The following SLC9A1 variants were observed in gnomAD, a reference collection of about 807,000 sequenced individuals.
The protein encoded by SLC9A1 is sodium/hydrogen exchanger 1.
A neutral mutation model predicts 67.9 loss-of-function variants in SLC9A1; 22 were observed. That is an observed-to-expected ratio of 0.32 (90% CI 0.23 to 0.46). SLC9A1 has a LOEUF of 0.46. SLC9A1 is among the 20% of genes least tolerant of loss of function. The probability of loss-of-function intolerance (pLI) is 1.00; values close to 1 mark genes in which losing one functional copy is unlikely to be tolerated. For synonymous variants in SLC9A1, 421 were observed against 471.8 expected, an observed-to-expected ratio of 0.89 and a Z score of 1.40; for missense variants, 686 against 1,094.8, an observed-to-expected ratio of 0.63 and a Z score of 5.27.
chr1:27,102,808 C>A, intron 6 of SLC9A1, 65 bp from the exon 7 acceptor site: 3 of 1,380,730 alleles, frequency 2.2e-6, no homozygotes, highest in Non-Finnish European at 3.1e-6. Context: ...AGACCTCTGA[C>A]TAGCCCCACT....
chr1:27,104,367 C>T (rs1413590508), intron 5 of SLC9A1, among the ~76,000 whole-genome samples: 1 of 151,990 alleles, frequency 6.6e-6, no homozygotes, highest in African/African-American at 2.4e-5. Context: ...CAGGCATGAG[C>T]CACCGCGCCC....
intron 2 of SLC9A1, among the ~76,000 whole-genome samples, chr1:27,112,190 G>GCACTAGCTAGCC (rs2083232753): frequency 6.6e-6 from 1 of 152,242 alleles, no homozygotes; most frequent in South Asian, 2.1e-4. Flanking sequence ...GCTAGTGCTA[G>GCACTAGCTAGCC]AGGAAGCCAG....
chr1:27,150,820 T>C (rs1197616213), intron 1 of SLC9A1, among the ~76,000 whole-genome samples: 1 of 152,060 alleles, frequency 6.6e-6, no homozygotes, highest in Non-Finnish European at 1.5e-5. Context: ...CTCTGCTCCA[T>C]GGTTAGGGTA....
chr1:27,141,026 G>A (rs1305732731), intron 1 of SLC9A1, among the ~76,000 whole-genome samples: 2 of 152,016 alleles, frequency 1.3e-5, no homozygotes, highest in Non-Finnish European at 2.9e-5. Context: ...TGGCCAACAT[G>A]ACAAAACCCC....
intron 1 of SLC9A1, among the ~76,000 whole-genome samples, chr1:27,149,101 C>G (rs2083509776): frequency 6.6e-6 from 1 of 152,210 alleles, no homozygotes; most frequent in African/African-American, 2.4e-5. Context: ...CACAGAACAC[C>G]TACAGCTTTC....
intron 1 of SLC9A1, among the ~76,000 whole-genome samples, chr1:27,115,773 C>A (rs1177207012): frequency 6.6e-6 from 1 of 152,114 alleles, no homozygotes; most frequent in Non-Finnish European, 1.5e-5. Context: ...AGCTCTCTCT[C>A]CTCCCCTTCC....
intron 2 of SLC9A1, among the ~76,000 whole-genome samples, chr1:27,113,310 A>C (rs897568615): frequency 2.0e-5 from 3 of 152,094 alleles, no homozygotes; most frequent in South Asian, 2.1e-4. Context: ...AATTTAAAAA[A>C]TTAGCCGGGT....
At chr1:27,138,770 T>A (rs1295928487) in intron 1 of SLC9A1, among the ~76,000 whole-genome samples, 2 of 152,032 alleles carry the variant, frequency 1.3e-5, no homozygotes, top group African/African-American at 2.4e-5. Context: ...TAGTGGGGCA[T>A]GAAGTGGAGA....
chr1:27,102,230 G>T (rs2083151613), intron 8 of SLC9A1, 100 bp from the exon 9 acceptor site: 14 of 1,333,870 alleles, frequency 1.0e-5, no homozygotes, highest in Admixed American at 1.8e-5. Context: ...GACCCAGGTG[G>T]GCGCCAAAGC....
chr1:27,116,392 A>C (rs937054899), intron 1 of SLC9A1, among the ~76,000 whole-genome samples: 1 of 152,118 alleles, frequency 6.6e-6, no homozygotes, highest in Non-Finnish European at 1.5e-5. Flanking sequence ...CTTGAAAAAA[A>C]AAAGTTCACA....
chr1:27,125,030 G>A (rs2083331391), intron 1 of SLC9A1, among the ~76,000 whole-genome samples: 1 of 151,904 alleles, frequency 6.6e-6, no homozygotes, highest in African/African-American at 2.4e-5. Context: ...AAATTTTGGA[G>A]TTGTCCTAAC....
chr1:27,132,486 T>TGA, intron 1 of SLC9A1, among the ~76,000 whole-genome samples: 1 of 152,260 alleles, frequency 6.6e-6, no homozygotes, highest in East Asian at 1.9e-4. Flanking sequence ...CTTGTGTGTG[T>TGA]GATCCTGGGT....
rs1279484837 is a variant in SLC9A1, at chr1:27,101,719, G to A, written c.2037+6C>T. ...ATACAGATTCCCAGAGGAAGGCAGA[G>A]GCTACCTTCTGCTCCAGCTGCCGGG... On this transcript the variant is annotated splice_donor_region_variant and intron_variant, in intron 10 of 11. Coordinates refer to ENST00000263980, the MANE Select transcript of SLC9A1 (RefSeq NM_003047.5). The surrounding 1 kb of genome is among the most constrained non-coding windows in gnomAD (Gnocchi z 4.9). The A allele has an allele frequency of 1.3e-6, 2 of 1,597,470 alleles. No individual in the cohort carries two copies. The highest frequency in any genetic ancestry group is 1.3e-5 in the African/African-American group (1 of 74,640).
rs534833729 is a variant in SLC9A1 at position 27,140,412 on chromosome 1, C to T, written c.352+13571G>A. Among the ~76,000 whole-genome samples the T allele has an allele frequency of 7.9e-5, 12 of 152,294 alleles. No homozygotes were observed. The South Asian group carries it at 2.5e-3, about 32-fold the overall frequency. On this transcript the variant is annotated intron_variant, in intron 1 of 11. Transcript: ENST00000263980. ...CTCATTTGCACCCCTAACCTCAGTA[C>T]TCAGCTCACCCCAATGCCCTCCAGT...
intron 1 of SLC9A1, among the ~76,000 whole-genome samples, chr1:27,141,393 G>A (rs935150878): frequency 9.2e-5 from 14 of 152,102 alleles, no homozygotes; most frequent in Admixed American, 4.6e-4. Context: ...CAATCCAGAG[G>A]TTCTGCCCCA....
chr1:27,132,743 TAC>T (rs2083394284), intron 1 of SLC9A1, among the ~76,000 whole-genome samples: 1 of 152,210 alleles, frequency 6.6e-6, no homozygotes, highest in Non-Finnish European at 1.5e-5. Flanking sequence ...TGAAAGCAGA[TAC>T]CAGGGCTGGC....
chr1:27,103,713 G>A, intron 5 of SLC9A1: 1 of 237,448 alleles, frequency 4.2e-6, no homozygotes, highest in Non-Finnish European at 8.6e-6. Flanking sequence ...AGTAATAACA[G>A]CAGCAGCAGA....
intron 1 of SLC9A1, among the ~76,000 whole-genome samples, chr1:27,135,451 G>A (rs1257689778): frequency 1.3e-5 from 2 of 149,704 alleles, no homozygotes; most frequent in Non-Finnish European, 3.0e-5. Context: ...AGTAAAAGGG[G>A]TATAACTTGC....
At chr1:27,149,161 G>A (rs2124216756) in intron 1 of SLC9A1, among the ~76,000 whole-genome samples, 1 of 152,330 alleles carries the variant, frequency 6.6e-6, no homozygotes, top group Non-Finnish European at 1.5e-5. Flanking sequence ...AACTCCTAGA[G>A]GGAGTCCTAC....
Sources: gnomAD v4.1 joint callset for allele counts (sites outside exome capture counted in the v4.1 genomes callset) on GRCh38, gnomAD v4.1.1 for gene constraint, Gnocchi (gnomAD v3.1) non-coding constraint, MANE v1.5 for transcripts, NCBI Gene and HGNC (gene_info 2026-07-23, HGNC 2026-07-21) for gene names.